Variants in RPL21 observed in about 807,000 individuals in gnomAD.
The protein encoded by RPL21 is ribosomal protein L21.
RPL21 carries 1 observed loss-of-function variant against 21.2 expected under a neutral mutation model. That is an observed-to-expected ratio of 0.05 (90% CI 0.02 to 0.22). The LOEUF (loss-of-function observed/expected upper bound fraction) is 0.22. Among genes scored for constraint, RPL21 ranks in the 10% least tolerant of loss-of-function variants. The pLI, the probability that RPL21 is intolerant of heterozygous loss-of-function variation, is 1.00. For missense variants in RPL21, 113 were observed against 199.4 expected (o/e 0.57, Z 2.61); for synonymous variants, 52 against 62.9 (o/e 0.83, Z 0.82).
chr13:27,255,886 G>A (rs1881879601), intron 4 of RPL21: 1 of 343,472 alleles, frequency 2.9e-6, no homozygotes. Flanking sequence ...AGTTTTTATA[G>A]AATAAAAAGA....
chr13:27,256,283 G>A lies in RPL21; in HGVS notation c.342G>A (p.Gln114=). 1 of 1,605,022 alleles carries A rather than the reference G, an allele frequency of 6.2e-7. No homozygotes were observed. Among genetic ancestry groups the A allele is most frequent in the Non-Finnish European group, 8.5e-7 (1 of 1,174,220 alleles). The stretch of plus-strand genomic sequence containing the variant: ...TGAAACGTGTGAAGGAAAATGATCA[G>A]AAAAAGAAAGAAGCCAAAGAGAAAG... ...SFLKRVKEND[Q]KKKEAKEKGT... is the part of the protein sequence containing the mutation. The change falls in exon 5 of 6, where the codon CAG becomes CAA. Residue 114 remains glutamine, a synonymous_variant. Coordinates refer to ENST00000311549, the MANE Select transcript of RPL21 (RefSeq NM_000982.4).
At position 27,256,172 on chromosome 13, in the gene RPL21, T is replaced by C; in HGVS notation, c.243-12T>C. Reference sequence around the variant, plus strand: ...TTGTTAAAGCACTTAAAAGAATTTCTGCTCTGTCCAGGGGCAAGATTCTTG... The same window carrying C: ...TTGTTAAAGCACTTAAAAGAATTTCCGCTCTGTCCAGGGGCAAGATTCTTG... On this transcript the variant is annotated splice_polypyrimidine_tract_variant and intron_variant, in intron 4 of 5. Transcript: ENST00000311549. 6.3e-7 allele frequency: 1 copy of C among 1,582,848 alleles called. No homozygotes were observed. The highest frequency in any genetic ancestry group is 2.3e-5 in the East Asian group (1 of 44,148).
At chr13:27,255,118 T>C in intron 3 of RPL21, 124 bp from the exon 4 acceptor site, 1 of 776,392 alleles carries the variant, frequency 1.3e-6, no homozygotes, top group East Asian at 2.4e-5. Flanking sequence ...AAAACACATT[T>C]CACCGGCTCT....
intron 1 of RPL21, among the ~76,000 whole-genome samples, chr13:27,253,551 T>G (rs2137908464): frequency 6.6e-6 from 1 of 152,226 alleles, no homozygotes; most frequent in East Asian, 1.9e-4. Context: ...TCCTTAAGAG[T>G]TTTGATGTTA....
chr13:27,255,080 T>G (rs781712257), intron 3 of RPL21, 162 bp from the exon 4 acceptor site: 44 of 744,684 alleles, frequency 5.9e-5, no homozygotes, highest in Non-Finnish European at 9.4e-5. Context: ...ATGATGACTG[T>G]TTTTTTTGAT....
intron 1 of RPL21, chr13:27,251,976 C>T (rs934345337): frequency 6.6e-5 from 10 of 152,356 alleles, no homozygotes; most frequent in East Asian, 1.9e-4. Context: ...GCCTTTCTAA[C>T]TCCTTTCAGT....
At chr13:27,253,722 C>A in intron 1 of RPL21, 43 bp from the exon 2 acceptor site, 5 of 1,097,878 alleles carry the variant, frequency 4.6e-6, no homozygotes, top group Non-Finnish European at 7.0e-6. Context: ...GGGGCAAATG[C>A]CAGTTTTCAG....
rs200485894 is a variant in RPL21, at chr13:27,256,309, G to A, written c.368G>A (p.Gly123Asp). The part of the protein sequence containing the change: ...DQKKKEAKEK[G>D]TWVQLKRQPA... ...AAAAAGAAAGAAGCCAAAGAGAAAG[G>A]TACCTGGGTTCAACTAAAGCGCCAG... The change falls in exon 5 of 6, where the codon GGT (glycine) becomes GAT (aspartate). Residue 123 changes from glycine (G) to aspartate (D), a missense_variant. By Grantham distance (94) the Gly-to-Asp change is moderately conservative. Transcript: ENST00000311549. 22 of 1,609,616 alleles carry A rather than the reference G, an allele frequency of 1.4e-5. No homozygotes were observed. Among genetic ancestry groups the A allele is most frequent in the Non-Finnish European group, 1.9e-5 (22 of 1,177,070 alleles).
In RPL21 at chr13:27,256,176, C is replaced by T; in HGVS notation, c.243-8C>T. On this transcript the variant is annotated splice_region_variant and splice_polypyrimidine_tract_variant and intron_variant, in intron 4 of 5. Transcript: ENST00000311549. Reference sequence around the variant, plus strand: ...TAAAGCACTTAAAAGAATTTCTGCTCTGTCCAGGGGCAAGATTCTTGCCAA... The same window carrying T: ...TAAAGCACTTAAAAGAATTTCTGCTTTGTCCAGGGGCAAGATTCTTGCCAA... The T allele has an allele frequency of 6.3e-7, 1 of 1,586,232 alleles. No homozygotes were observed.
At chr13:27,256,122 A>C (rs1881890879) in intron 4 of RPL21, 62 bp from the exon 5 acceptor site, 1 of 1,287,594 alleles carries the variant, frequency 7.8e-7, no homozygotes, top group Admixed American at 2.0e-5. Flanking sequence ...CTGCAAAATC[A>C]GTTTTCTACA....
intron 1 of RPL21, among the ~76,000 whole-genome samples, chr13:27,252,670 C>A (rs769585857): frequency 6.6e-5 from 10 of 152,150 alleles, no homozygotes; most frequent in Non-Finnish European, 4.4e-5. Flanking sequence ...TTATACACAT[C>A]TAAAGGCTTT....
chr13:27,255,091 T>G (rs1313130700), intron 3 of RPL21, 151 bp from the exon 4 acceptor site: 1 of 770,268 alleles, frequency 1.3e-6, no homozygotes, highest in African/African-American at 1.7e-5. Context: ...TTTTTTTGAT[T>G]GCTTGAAGCA....
At chr13:27,254,798 G>T in intron 3 of RPL21, 2 of 347,548 alleles carry the variant, frequency 5.8e-6, no homozygotes, top group Non-Finnish European at 1.1e-5. Flanking sequence ...GATTATTACA[G>T]GTGTGAACCA....
intron 2 of RPL21, 59 bp downstream of exon 2, chr13:27,253,902 C>A: frequency 4.1e-6 from 4 of 983,756 alleles, no homozygotes; most frequent in South Asian, 2.6e-5. Flanking sequence ...CTGTTGTGTT[C>A]AACATGTGTT....
intron 3 of RPL21, among the ~76,000 whole-genome samples, chr13:27,254,793 T>C (rs1881818930): frequency 6.6e-6 from 1 of 152,210 alleles, no homozygotes; most frequent in Non-Finnish European, 1.5e-5. Flanking sequence ...GCTGGGATTA[T>C]TACAGGTGTG....
At chr13:27,252,516 C>T (rs954945626) in intron 1 of RPL21, among the ~76,000 whole-genome samples, 3 of 152,104 alleles carry the variant, frequency 2.0e-5, no homozygotes, top group African/African-American at 7.2e-5. Context: ...ATTCCAAACT[C>T]AGAAAGATGG....
chr13:27,253,928 T>A, intron 2 of RPL21, 85 bp downstream of exon 2: 4 of 847,768 alleles, frequency 4.7e-6, no homozygotes, highest in Non-Finnish European at 2.1e-6. Flanking sequence ...TCATAGAATG[T>A]GTATCAATAG....
intron 1 of RPL21, 30 bp from the exon 2 acceptor site, chr13:27,253,735 G>A (rs138659046): frequency 3.4e-5 from 43 of 1,265,320 alleles, no homozygotes; most frequent in African/African-American, 2.3e-4. Context: ...GTTTTCAGTC[G>A]TATTTGACTG....
chr13:27,254,842 C>G, intron 3 of RPL21: 1 of 363,996 alleles, frequency 2.7e-6, no homozygotes, highest in East Asian at 7.2e-5. Context: ...TTTTAAAGTG[C>G]TATTCTTAGC....
Sources: gnomAD v4.1 joint callset for allele counts (sites outside exome capture counted in the v4.1 genomes callset) on GRCh38, gnomAD v4.1.1 for gene constraint, MANE v1.5 for transcripts, NCBI Gene and HGNC (gene_info 2026-07-23, HGNC 2026-07-21) for gene names.